The following SMG6 variants were observed in gnomAD, a reference collection of about 807,000 sequenced individuals.
SMG6 encodes telomerase-binding protein EST1A.
In SMG6, 66 loss-of-function variants were observed where a neutral mutation model predicts 142.2. The ratio of observed to expected loss-of-function variants is 0.46; its 90% CI spans 0.38 to 0.57. The LOEUF is 0.57. SMG6 is among the 20% of genes least tolerant of loss of function. The pLI is 0.00. For missense variants in SMG6, 1,793 were observed against 1,832.0 expected, an observed-to-expected ratio of 0.98 and a Z score of 0.39; for synonymous variants, 779 against 702.4, an observed-to-expected ratio of 1.11 and a Z score of -1.72.
At chr17:2,078,944 G>A (rs558075886) in intron 15 of SMG6, among the ~76,000 whole-genome samples, 2 of 146,692 alleles carry the variant, frequency 1.4e-5, no homozygotes, top group East Asian at 1.9e-4. Context: ...CACAGACTAA[G>A]GTTTGATGAA....
At chr17:2,278,842 C>T (rs1020312282) in intron 8 of SMG6, among the ~76,000 whole-genome samples, 10 of 152,170 alleles carry the variant, frequency 6.6e-5, no homozygotes, top group Non-Finnish European at 1.5e-5. Flanking sequence ...TAAAAGCCCT[C>T]AATACCTGAC....
chr17:2,298,515 C>T (rs1421000647), intron 2 of SMG6, among the ~76,000 whole-genome samples: 1 of 151,924 alleles, frequency 6.6e-6, no homozygotes, highest in African/African-American at 2.4e-5. Context: ...GTCAGGAGAT[C>T]GAGATCATCC....
intron 12 of SMG6, among the ~76,000 whole-genome samples, chr17:2,176,921 C>T (rs907898910): frequency 6.6e-6 from 1 of 152,190 alleles, no homozygotes; most frequent in Non-Finnish European, 1.5e-5. Context: ...TTTATTGCCT[C>T]AGAATTCCAA....
intron 2 of SMG6, among the ~76,000 whole-genome samples, chr17:2,298,449 G>A (rs553046271): frequency 1.1e-3 from 163 of 152,300 alleles, no homozygotes; most frequent in African/African-American, 3.7e-3. Context: ...GCCGGGCGCG[G>A]TGGCTCATGC....
chr17:2,246,804 G>C (rs2073937906), intron 8 of SMG6, among the ~76,000 whole-genome samples: 2 of 152,120 alleles, frequency 1.3e-5, no homozygotes, highest in Admixed American at 1.3e-4. Context: ...AAATTAGCTG[G>C]GTGTGGTGGC....
intron 8 of SMG6, chr17:2,255,718 G>A (rs565181804): frequency 7.9e-5 from 15 of 189,500 alleles, no homozygotes; most frequent in Middle Eastern, 2.3e-3. Flanking sequence ...CCATGATGAC[G>A]ATGGCGGTTT....
intron 13 of SMG6, among the ~76,000 whole-genome samples, chr17:2,121,583 C>CTCTGTGTG (rs2069693082): frequency 1.7e-5 from 2 of 118,294 alleles, no homozygotes; most frequent in South Asian, 2.9e-4. Flanking sequence ...ATGTACATGT[C>CTCTGTGTG]TGTCTGTGTG....
intron 13 of SMG6, among the ~76,000 whole-genome samples, chr17:2,091,089 C>T (rs750642386): frequency 1.7e-4 from 26 of 152,172 alleles, no homozygotes; most frequent in Non-Finnish European, 3.4e-4. Flanking sequence ...AACTGGGAAC[C>T]TCTAGTTATG....
chr17:2,300,620 T>C lies in SMG6; in HGVS notation c.133A>G (p.Arg45Gly). Residue 45 changes from arginine (R) to glycine (G), a missense_variant, in exon 2 of 19, where the codon AGG becomes GGG. Coordinates refer to ENST00000263073, the MANE Select transcript of SMG6 (RefSeq NM_017575.5). ...TTATAGATTTCCAGATCTGGACGCC[T>C]GTTATCTTTGCGCGGCCTGGCCTCC... ...LKEARPRKDNRRPDLEIYKPG... is the reference protein window; with the variant it reads ...LKEARPRKDNGRPDLEIYKPG... 1 of 1,608,042 alleles carries C rather than the reference T, an allele frequency of 6.2e-7. No individual in the cohort carries two copies. Among genetic ancestry groups the C allele is most frequent in the Non-Finnish European group, 8.5e-7 (1 of 1,178,094 alleles).
chr17:2,249,150 C>T (rs2073992700), intron 8 of SMG6, among the ~76,000 whole-genome samples: 1 of 152,034 alleles, frequency 6.6e-6, no homozygotes, highest in African/African-American at 2.4e-5. Flanking sequence ...GCCTTGGCCT[C>T]CCAAAGTGCT....
intron 10 of SMG6, among the ~76,000 whole-genome samples, 173 bp from the exon 11 acceptor site, chr17:2,188,688 T>G (rs1342268292): frequency 2.0e-5 from 3 of 152,224 alleles, no homozygotes; most frequent in African/African-American, 4.8e-5. Flanking sequence ...CCATGAGGTC[T>G]GGCATATGGA....
intron 13 of SMG6, chr17:2,087,990 T>C (rs2068611299): frequency 1.0e-6 from 1 of 985,812 alleles, no homozygotes; most frequent in Non-Finnish European, 1.2e-6. Context: ...AGGATTTTCC[T>C]TCTTGGTGTG....
At chr17:2,095,761 C>T (rs1417116747) in intron 13 of SMG6, among the ~76,000 whole-genome samples, 1 of 152,164 alleles carries the variant, frequency 6.6e-6, no homozygotes, top group Non-Finnish European at 1.5e-5. Context: ...GGATGGGTCC[C>T]GAGGAAGTCG....
intron 13 of SMG6, among the ~76,000 whole-genome samples, chr17:2,143,797 A>C (rs2070567165): frequency 2.0e-5 from 3 of 152,240 alleles, no homozygotes. Flanking sequence ...TTTTGTAGTT[A>C]GGAAATAATA....
chr17:2,225,398 G>A (rs1335007406), intron 10 of SMG6, among the ~76,000 whole-genome samples: 6 of 152,002 alleles, frequency 3.9e-5, no homozygotes, highest in Non-Finnish European at 8.8e-5. Context: ...AGCTACTCAG[G>A]AGGCTGAGGT....
At chr17:2,268,640 G>A (rs1169617470) in intron 8 of SMG6, among the ~76,000 whole-genome samples, 1 of 152,156 alleles carries the variant, frequency 6.6e-6, no homozygotes, top group Non-Finnish European at 1.5e-5. Context: ...GGCCGGGAGC[G>A]GTGGCTCACG....
Position 2,155,452 on chromosome 17 carries a change from AATG to A in SMG6, c.3357+17203_3357+17205del, listed in dbSNP as rs2070972251. 2.0e-5 allele frequency among the ~76,000 whole-genome samples: 3 copies of A among 152,340 alleles called. No homozygotes were observed. In the South Asian group the frequency reaches 6.2e-4, roughly 32 times the overall value. ...TTTCTCTTCATGTCATTAACAATAA[AATG>A]ATGAGGATAGCCACCTCCAAAGATA... is the stretch of plus-strand genomic sequence containing the variant. On this transcript the variant is annotated intron_variant, in intron 13 of 18. Coordinates refer to ENST00000263073, the MANE Select transcript of SMG6 (RefSeq NM_017575.5).
intron 12 of SMG6, 33 bp from the exon 13 acceptor site, chr17:2,172,892 T>C: frequency 6.3e-7 from 1 of 1,593,340 alleles, no homozygotes; most frequent in East Asian, 2.2e-5. Flanking sequence ...AGAGCAGCTC[T>C]AAAGAGGGAC....
intron 8 of SMG6, among the ~76,000 whole-genome samples, chr17:2,258,038 T>TACACACACACAC (rs869173398): frequency 2.2e-5 from 2 of 89,278 alleles, no homozygotes; most frequent in African/African-American, 9.3e-5. Context: ...AAAAAAAATA[T>TACACACACACAC]ACACACACAC....
Sources: gnomAD v4.1 joint callset for allele counts (sites outside exome capture counted in the v4.1 genomes callset) on GRCh38, gnomAD v4.1.1 for gene constraint, MANE v1.5 for transcripts, NCBI Gene and HGNC (gene_info 2026-07-23, HGNC 2026-07-21) for gene names.